The following JARID2 variants were observed in gnomAD, a reference collection of about 807,000 sequenced individuals.
JARID2 encodes the protein jumonji and AT-rich interaction domain containing 2.
A neutral mutation model predicts 125.6 loss-of-function variants in JARID2; 21 were observed. The ratio of observed to expected loss-of-function variants is 0.17; its 90% CI spans 0.12 to 0.24. The LOEUF (loss-of-function observed/expected upper bound fraction) is 0.24, where lower values mean the gene tolerates loss of function less well. JARID2 is among the 10% of genes least tolerant of loss of function. The pLI is 1.00. For missense variants in JARID2, 1,303 were observed against 1,639.6 expected, an observed-to-expected ratio of 0.79 and a Z score of 3.55; for synonymous variants, 736 against 661.6, an observed-to-expected ratio of 1.11 and a Z score of -1.73.
chr6:15,355,427 ATAC>A (rs1763564362), intron 1 of JARID2, among the ~76,000 whole-genome samples: 1 of 152,226 alleles, frequency 6.6e-6, no homozygotes, highest in Admixed American at 6.5e-5. Flanking sequence ...TGGGGATAAA[ATAC>A]TAATAATACT....
intron 1 of JARID2, among the ~76,000 whole-genome samples, chr6:15,371,369 T>C (rs1449416122): frequency 6.6e-6 from 1 of 152,228 alleles, no homozygotes; most frequent in Non-Finnish European, 1.5e-5. Flanking sequence ...AATAATAGTT[T>C]ATAATCTCAC....
At chr6:15,339,786 C>T (rs552401058) in intron 1 of JARID2, among the ~76,000 whole-genome samples, 3 of 152,218 alleles carry the variant, frequency 2.0e-5, no homozygotes, top group South Asian at 2.1e-4. Context: ...GTGCCCTCGT[C>T]GGCCTCCCAA....
intron 11 of JARID2, among the ~76,000 whole-genome samples, chr6:15,507,655 T>C (rs765795435): frequency 7.9e-5 from 12 of 152,112 alleles, no homozygotes; most frequent in Admixed American, 5.9e-4. Flanking sequence ...GGGAGAAGCT[T>C]AGGGGCCAAC....
At chr6:15,371,711 G>C (rs1764177379) in intron 1 of JARID2, among the ~76,000 whole-genome samples, 1 of 152,076 alleles carries the variant, frequency 6.6e-6, no homozygotes, top group Non-Finnish European at 1.5e-5. Flanking sequence ...TGATTGGGAA[G>C]GTCTCCAGTG....
At chr6:15,278,357 C>A (rs952109136) in intron 1 of JARID2, among the ~76,000 whole-genome samples, 1 of 152,016 alleles carries the variant, frequency 6.6e-6, no homozygotes, top group Non-Finnish European at 1.5e-5. Context: ...GAGGCTGAGG[C>A]GGGTGGATCA....
intron 2 of JARID2, among the ~76,000 whole-genome samples, chr6:15,408,391 T>C (rs1284937065): frequency 6.6e-6 from 1 of 152,208 alleles, no homozygotes; most frequent in Admixed American, 6.5e-5. Flanking sequence ...AATTTATCCA[T>C]CTTCTCTTTT....
chr6:15,378,605 G>A (rs1384698433), intron 2 of JARID2, among the ~76,000 whole-genome samples: 1 of 152,154 alleles, frequency 6.6e-6, no homozygotes, highest in Non-Finnish European at 1.5e-5. Flanking sequence ...ATTCACAGTA[G>A]CAGAATTGGA....
chr6:15,356,218 G>T (rs1310531376), intron 1 of JARID2, among the ~76,000 whole-genome samples: 1 of 152,168 alleles, frequency 6.6e-6, no homozygotes, highest in African/African-American at 2.4e-5. Context: ...TTGATGGACA[G>T]TTGGGTTGTT....
chr6:15,432,582 C>T (rs1291021196), intron 3 of JARID2, among the ~76,000 whole-genome samples: 4 of 152,202 alleles, frequency 2.6e-5, no homozygotes, highest in Non-Finnish European at 5.9e-5. Flanking sequence ...AGAGGTTTCC[C>T]ATTGGTTACT....
intron 5 of JARID2, among the ~76,000 whole-genome samples, chr6:15,480,160 CT>C (rs920038371): frequency 4.6e-5 from 7 of 151,926 alleles, no homozygotes; most frequent in Non-Finnish European, 5.9e-5. Flanking sequence ...TACAGTGATT[CT>C]TTTTTTTGCC....
chr6:15,420,554 C>G (rs140440020), intron 3 of JARID2, among the ~76,000 whole-genome samples: 4 of 152,138 alleles, frequency 2.6e-5, no homozygotes, highest in African/African-American at 9.7e-5. Flanking sequence ...ATTTACAAAA[C>G]AGTTTTGATT....
intron 3 of JARID2, among the ~76,000 whole-genome samples, chr6:15,445,362 G>T (rs1428482672): frequency 6.6e-6 from 1 of 152,208 alleles, no homozygotes; most frequent in African/African-American, 2.4e-5. Flanking sequence ...TGTGTATCTT[G>T]CTGTGCTCCT....
chr6:15,277,152 AATCT>A (rs1459271962), intron 1 of JARID2, among the ~76,000 whole-genome samples: 1 of 152,178 alleles, frequency 6.6e-6, no homozygotes. Context: ...TGCAAAGCAG[AATCT>A]ATTATTTTAT....
intron 11 of JARID2, among the ~76,000 whole-genome samples, chr6:15,507,788 A>G (rs1771080898): frequency 6.6e-6 from 1 of 152,196 alleles, no homozygotes. Flanking sequence ...GATGCTTTGC[A>G]AACTTCAGGG....
intron 1 of JARID2, among the ~76,000 whole-genome samples, chr6:15,312,929 A>G (rs1280632924): frequency 1.3e-5 from 2 of 152,176 alleles, no homozygotes; most frequent in East Asian, 1.9e-4. Flanking sequence ...AAACAAGCAA[A>G]TATACTGACT....
intron 2 of JARID2, among the ~76,000 whole-genome samples, chr6:15,401,994 T>C (rs1765457600): frequency 6.6e-6 from 1 of 151,776 alleles, no homozygotes; most frequent in South Asian, 2.1e-4. Context: ...TTTCTTGATA[T>C]GTGAGTGAGG....
At chr6:15,446,218 G>C (rs1041000412) in intron 3 of JARID2, among the ~76,000 whole-genome samples, 2 of 152,184 alleles carry the variant, frequency 1.3e-5, no homozygotes, top group African/African-American at 4.8e-5. Context: ...AGCATCTATG[G>C]AGGCCTTGTC....
At chr6:15,499,567 A>G (rs1370245636) in intron 7 of JARID2, among the ~76,000 whole-genome samples, 7 of 151,934 alleles carry the variant, frequency 4.6e-5, no homozygotes, top group Non-Finnish European at 8.8e-5. Flanking sequence ...TTTGGTGCCT[A>G]CCTCTGTAAG....
At chr6:15,505,390 T>C (rs1770955369) in intron 9 of JARID2, 1 of 143,868 alleles carries the variant, frequency 7.0e-6, no homozygotes, top group Admixed American at 7.1e-5. Flanking sequence ...CTGTTTCAAA[T>C]AAAATCCAAG....
Sources: allele counts gnomAD v4.1 joint callset (sites outside exome capture counted in the v4.1 genomes callset), GRCh38; gene constraint gnomAD v4.1.1; transcripts MANE v1.5; gene names NCBI Gene and HGNC (gene_info 2026-07-23, HGNC 2026-07-21).